TMEM18: variants seen among roughly 807,000 people sequenced by gnomAD.
TMEM18 encodes the protein transmembrane protein 18.
In TMEM18, 14 loss-of-function variants were observed where a neutral mutation model predicts 17.4. That is an observed-to-expected ratio of 0.80 (90% CI 0.53 to 1.25). The LOEUF (loss-of-function observed/expected upper bound fraction) is 1.25, where lower values mean the gene tolerates loss of function less well. Among genes scored for constraint, TMEM18 ranks in the 50% most tolerant of loss-of-function variants. TMEM18 has a pLI of 0.00. For synonymous variants in TMEM18, 86 were observed against 66.1 expected, an observed-to-expected ratio of 1.30 and a Z score of -1.46; for missense variants, 187 against 172.1, an observed-to-expected ratio of 1.09 and a Z score of -0.48.
At chr2:674,185 A>C (rs1328770244) in intron 2 of TMEM18, among the ~76,000 whole-genome samples, 1 of 152,230 alleles carries the variant, frequency 6.6e-6, no homozygotes, top group Non-Finnish European at 1.5e-5. Flanking sequence ...GTGTGAAAGC[A>C]GTCATCCTTC....
Position 676,353 on chromosome 2 carries a change from C to T in TMEM18, c.58-723G>A, listed in dbSNP as rs1035562344. On this transcript the variant is annotated intron_variant, in intron 1 of 4. Transcript: ENST00000281017. ...CAGCAGTCCTCAACCCTCCCCATCCCCTCCTTGAGCGCCCTCCTGCAGAAG... is the reference window on the plus strand; with the variant it reads ...CAGCAGTCCTCAACCCTCCCCATCCTCTCCTTGAGCGCCCTCCTGCAGAAG... 4.2e-6 allele frequency: 6 copies of T among 1,437,594 alleles called. No homozygotes were observed. The East Asian group carries it at 1.0e-4, about 24-fold the overall frequency. 89.1% of individuals were successfully genotyped at this position (1,437,594 alleles called of 1,614,324 possible). A position where few individuals can be genotyped will look rare whatever the true frequency, so the allele number is the denominator to read the frequency against.
At chr2:675,476 A>T (rs1391859231) in intron 2 of TMEM18, 34 bp downstream of exon 2, 2 of 1,613,926 alleles carry the variant, frequency 1.2e-6, no homozygotes, top group East Asian at 4.5e-5. Flanking sequence ...TCACACAGTG[A>T]TCTGAGTTGT....
Position 669,217 on chromosome 2 carries a change from G to A in TMEM18, c.*363C>T, listed in dbSNP as rs1336510026. On this transcript the variant is annotated 3_prime_UTR_variant, in exon 5 of 5. Coordinates refer to ENST00000281017, the MANE Select transcript of TMEM18 (RefSeq NM_152834.4). ...GAGGGCATGGTGCCCATGTACAGGT[G>A]GCACTGTTTATTATTGAGTTTCATA... 1 of 191,684 alleles carries A rather than the reference G, an allele frequency of 5.2e-6. No homozygotes were observed. Among genetic ancestry groups the A allele is most frequent in the Non-Finnish European group, 1.1e-5 (1 of 93,496 alleles). 11.9% of individuals were successfully genotyped at this position (191,684 alleles called of 1,614,324 possible).
In TMEM18 at chr2:668,894, G is replaced by T. The variant is rs979506103; in HGVS notation, c.*686C>A. On this transcript the variant is annotated 3_prime_UTR_variant, in exon 5 of 5. Transcript: ENST00000281017. ...AGCAGCCCATAACTTTGCTAGAGAG[G>T]GCCTAGCCTCTTGTGAATTGGTTCA... The T allele has an allele frequency of 4.6e-5, 7 of 152,206 alleles. No homozygotes were observed. The highest frequency in any genetic ancestry group is 2.6e-4 in the Admixed American group (4 of 15,280). The allele number at this position is 152,206 out of a possible 1,614,324, so 9.4% of individuals were successfully genotyped here.
chr2:673,183 C>T (rs1678900036), intron 2 of TMEM18, among the ~76,000 whole-genome samples: 4 of 152,230 alleles, frequency 2.6e-5, no homozygotes, highest in Admixed American at 2.0e-4. Flanking sequence ...ACACATTTCC[C>T]CAGGGACAGC....
In TMEM18 at chr2:669,433, G is replaced by A. The variant is rs1678778212; in HGVS notation, c.*147C>T. On this transcript the variant is annotated 3_prime_UTR_variant, in exon 5 of 5. Transcript: ENST00000281017. ...CTGGCTGAAAAGCCAACTTCAGTGT[G>A]TGCCCTACCACTGTGGATATTTAAA... The A allele has an allele frequency of 1.2e-6, 1 of 802,728 alleles. No homozygotes were observed. The highest frequency in any genetic ancestry group is 1.7e-5 in the African/African-American group (1 of 58,246). 49.7% of individuals were successfully genotyped at this position (802,728 alleles called of 1,614,324 possible). A position where few individuals can be genotyped will look rare whatever the true frequency, so the allele number is the denominator to read the frequency against.
chr2:673,315 G>C (rs1421005244), intron 2 of TMEM18, among the ~76,000 whole-genome samples: 1 of 152,190 alleles, frequency 6.6e-6, no homozygotes, highest in Non-Finnish European at 1.5e-5. Flanking sequence ...CTGCCACTGA[G>C]ATGACCATAG....
chr2:676,996 G>GGCCCCGCCCCTCCCCGCCCA (rs1659264964), intron 1 of TMEM18, among the ~76,000 whole-genome samples: 1 of 72,238 alleles, frequency 1.4e-5, no homozygotes, highest in Non-Finnish European at 2.9e-5. Context: ...GGCCCCGCCC[G>GGCCCCGCCCCTCCCCGCCCA]GCCCCGCCCC....
At position 675,611 on chromosome 2, in the gene TMEM18, G is replaced by T; in HGVS notation, c.77C>A (p.Pro26His). The change falls in exon 2 of 5, where the codon CCC becomes CAC. Residue 26 changes from proline (P) to histidine (H), a missense_variant. By Grantham distance (77) the Pro-to-His change is moderately conservative (BLOSUM62 -2). Coordinates refer to ENST00000281017, the MANE Select transcript of TMEM18 (RefSeq NM_152834.4). ...GAAGGTGGCCAGCCCCATGAGCCAG[G>T]GCTCAGTCCAGTCCGTCTGCTGTAG... Reference protein sequence around the residue: ...AVLTQTDWTEPWLMGLATFHA... With the variant: ...AVLTQTDWTEHWLMGLATFHA... 1 of 1,614,130 alleles carries T rather than the reference G, an allele frequency of 6.2e-7. No homozygotes were observed. Among genetic ancestry groups the T allele is most frequent in the Non-Finnish European group, 8.5e-7 (1 of 1,180,036 alleles).
At chr2:675,447 G>T in intron 2 of TMEM18, 63 bp downstream of exon 2, 1 of 1,610,264 alleles carries the variant, frequency 6.2e-7, no homozygotes. Flanking sequence ...GACACAGACA[G>T]AACATACACA....
intron 1 of TMEM18, chr2:677,050 G>A (rs1366140085): frequency 2.5e-5 from 3 of 121,492 alleles, no homozygotes; most frequent in South Asian, 1.0e-4. Context: ...CTCGCGCCCC[G>A]ACGCCCGGCC....
chr2:672,986 G>T (rs1678895391), intron 2 of TMEM18, 124 bp from the exon 3 acceptor site: 1 of 911,518 alleles, frequency 1.1e-6, no homozygotes, highest in Non-Finnish European at 1.6e-6. Flanking sequence ...ATAACATCAG[G>T]TAAACATCCT....
chr2:672,279 C>A (rs1355798247), intron 3 of TMEM18, among the ~76,000 whole-genome samples: 3 of 152,200 alleles, frequency 2.0e-5, no homozygotes, highest in African/African-American at 7.2e-5. Flanking sequence ...TGGGCAGGTG[C>A]TGGGTTCCGA....
intron 2 of TMEM18, among the ~76,000 whole-genome samples, chr2:674,424 G>A (rs529075375): frequency 5.3e-5 from 8 of 152,292 alleles, no homozygotes; most frequent in Non-Finnish European, 8.8e-5. Flanking sequence ...AAATCAGGCC[G>A]CTCCTCCTGT....
rs548613333 is a variant in TMEM18, at chr2:670,668, C to T, written c.234-818G>A. The T allele has an allele frequency of 3.7e-3, 569 of 152,874 alleles. 4 individuals carry two copies. The highest frequency in any genetic ancestry group is 9.9e-3 in the South Asian group (48 of 4,834). The allele number at this position is 152,874 out of a possible 1,614,324, so 9.5% of individuals were successfully genotyped here. A position where few individuals can be genotyped will look rare whatever the true frequency, so the allele number is the denominator to read the frequency against. On this transcript the variant is annotated intron_variant, in intron 3 of 4. Coordinates refer to ENST00000281017, the MANE Select transcript of TMEM18 (RefSeq NM_152834.4). Reference sequence around the variant, plus strand: ...GGCCCAGAAGTAAGAGGCAGCCAGTCCAAGCATGTGGCGAGTGCTGCTACA... The same window carrying T: ...GGCCCAGAAGTAAGAGGCAGCCAGTTCAAGCATGTGGCGAGTGCTGCTACA...
intron 2 of TMEM18, among the ~76,000 whole-genome samples, chr2:673,081 C>T (rs1414403294): frequency 6.6e-6 from 1 of 152,218 alleles, no homozygotes; most frequent in Non-Finnish European, 1.5e-5. Flanking sequence ...GCTCTATGGT[C>T]TCACTCAGAG....
In TMEM18 at chr2:665,230, A is replaced by G. The variant is rs1490966848; in HGVS notation, c.*4350T>C. On this transcript the variant is annotated 3_prime_UTR_variant, in exon 5 of 5. Coordinates refer to ENST00000281017, the MANE Select transcript of TMEM18 (RefSeq NM_152834.4). ...AGATGCAGATGCCCCACTCACTCCGATAGAGAATCAACCCCATATACAACA... is the reference window on the plus strand; with the variant it reads ...AGATGCAGATGCCCCACTCACTCCGGTAGAGAATCAACCCCATATACAACA... 2.7e-5 allele frequency among the ~76,000 whole-genome samples: 4 copies of G among 150,872 alleles called. No homozygotes were observed. The highest frequency in any genetic ancestry group is 9.8e-5 in the African/African-American group (4 of 40,976).
At chr2:672,560 C>T (rs994452368) in intron 3 of TMEM18, among the ~76,000 whole-genome samples, 1 of 152,288 alleles carries the variant, frequency 6.6e-6, no homozygotes, top group Non-Finnish European at 1.5e-5. Context: ...GGCCACTTCT[C>T]TGGCTCTGCC....
chr2:673,161 T>A (rs578063275), intron 2 of TMEM18, among the ~76,000 whole-genome samples: 1 of 152,190 alleles, frequency 6.6e-6, no homozygotes, highest in East Asian at 1.9e-4. Context: ...CACCCAGGCA[T>A]GGCTGGACCT....
Sources: gnomAD v4.1 joint callset for allele counts (sites outside exome capture counted in the v4.1 genomes callset) on GRCh38, gnomAD v4.1.1 for gene constraint, MANE v1.5 for transcripts, NCBI Gene and HGNC (gene_info 2026-07-23, HGNC 2026-07-21) for gene names.